PCNX4: variants seen among roughly 807,000 people sequenced by gnomAD.
The protein encoded by PCNX4 is pecanex 4.
In PCNX4, 103 loss-of-function variants were observed where a neutral mutation model predicts 107.2. The observed-to-expected ratio is 0.96, with a 90% CI of 0.82 to 1.13. The LOEUF (loss-of-function observed/expected upper bound fraction) is 1.13. Ranked by LOEUF, PCNX4 falls within the 50% of genes most tolerant of loss-of-function variation. The pLI, the probability that PCNX4 is intolerant of heterozygous loss-of-function variation, is 0.00. For synonymous variants in PCNX4, 541 were observed against 481.7 expected (o/e 1.12, Z -1.61); for missense variants, 1,528 against 1,379.4 (o/e 1.11, Z -1.71).
At chr14:60,106,273 G>A (rs943929046) in intron 1 of PCNX4, among the ~76,000 whole-genome samples, 13 of 152,108 alleles carry the variant, frequency 8.5e-5, no homozygotes, top group Admixed American at 6.5e-5. Context: ...TATCATATAT[G>A]CGTATAACCT....
intron 10 of PCNX4, among the ~76,000 whole-genome samples, chr14:60,128,329 C>G (rs1430203604): frequency 6.6e-6 from 1 of 152,052 alleles, no homozygotes; most frequent in African/African-American, 2.4e-5. Context: ...AGGAGAAAAC[C>G]TTGAAAGCAC....
intron 7 of PCNX4, among the ~76,000 whole-genome samples, chr14:60,120,035 C>A (rs1393236087): frequency 6.6e-6 from 1 of 152,092 alleles, no homozygotes. Context: ...TAGAGAAATT[C>A]TAGTACATGT....
At chr14:60,118,781 A>C in intron 7 of PCNX4, 89 bp downstream of exon 7, 1 of 1,370,360 alleles carries the variant, frequency 7.3e-7, no homozygotes, top group East Asian at 2.5e-5. Context: ...TTTTTATCCA[A>C]CCATAAGATA....
chr14:60,133,239 T>C (rs1896186225), intron 10 of PCNX4, among the ~76,000 whole-genome samples: 1 of 152,232 alleles, frequency 6.6e-6, no homozygotes, highest in South Asian at 2.1e-4. Flanking sequence ...ATCCATATGA[T>C]GGAATATTAT....
Position 60,114,696 on chromosome 14 carries a change from A to G in PCNX4, c.690-4A>G, listed in dbSNP as rs751619008. On this transcript the variant is annotated splice_polypyrimidine_tract_variant and splice_region_variant and intron_variant, in intron 2 of 10. Coordinates refer to ENST00000406854, the MANE Select transcript of PCNX4 (RefSeq NM_001330177.2). ...TGATTTAAATGTTCTTTTTTTTTAT[A>G]TAGGTTTGTGGTAAATATGCCAGCT... The G allele has an allele frequency of 3.8e-6, 6 of 1,595,338 alleles. No individual in the cohort carries two copies. In the South Asian group the frequency reaches 5.6e-5, roughly 15 times the overall value.
In PCNX4 at chr14:60,139,700, G is replaced by A. The variant is rs898366051; in HGVS notation, c.*5479G>A. The stretch of plus-strand genomic sequence containing the variant: ...TTTATCAAAACTGACCATATTCCAA[G>A]TCATAGGAATGGAATATATTCTTTG... On this transcript the variant is annotated 3_prime_UTR_variant, in exon 11 of 11. Transcript: ENST00000406854. 1.3e-5 allele frequency: 2 copies of A among 151,950 alleles called. No homozygotes were observed. The highest frequency in any genetic ancestry group is 2.9e-5 in the Non-Finnish European group (2 of 67,920). The allele number at this position is 151,950 out of a possible 1,614,324, so 9.4% of individuals were successfully genotyped here.
intron 1 of PCNX4, among the ~76,000 whole-genome samples, chr14:60,103,448 C>G (rs1023892147): frequency 1.6e-4 from 24 of 152,158 alleles, no homozygotes; most frequent in Non-Finnish European, 2.6e-4. Context: ...TTCAAACTGC[C>G]CTGACCACAG....
At chr14:60,115,649 G>T in intron 4 of PCNX4, 70 bp from the exon 5 acceptor site, 8 of 1,428,154 alleles carry the variant, frequency 5.6e-6, no homozygotes, top group Non-Finnish European at 6.7e-6. Context: ...ATGTGTATTT[G>T]CCAGAATAAA....
rs1896291433 is a variant in PCNX4, at chr14:60,140,255, G to A, written c.*6034G>A. ...CAATTAGTTGGAAATTTTAGATGAA[G>A]TGAATAAATTCTTTAAACTATGGAA... On this transcript the variant is annotated 3_prime_UTR_variant, in exon 11 of 11. Coordinates refer to ENST00000406854, the MANE Select transcript of PCNX4 (RefSeq NM_001330177.2). This position sits in a 1 kb window ranked among gnomAD's most constrained non-coding sequence, Gnocchi z 4.2. 6.6e-6 allele frequency: 1 copy of A among 152,136 alleles called. No homozygotes were observed. Among genetic ancestry groups the A allele is most frequent in the Non-Finnish European group, 1.5e-5 (1 of 68,014 alleles). 9.4% of individuals were successfully genotyped at this position (152,136 alleles called of 1,614,324 possible).
Position 60,107,815 on chromosome 14 carries a change from A to G in PCNX4, c.177A>G (p.Thr59=), listed in dbSNP as rs773528806. Residue 59 remains threonine (T), a synonymous_variant, in exon 2 of 11, where the codon ACA becomes ACG. Transcript: ENST00000406854. The stretch of plus-strand genomic sequence containing the variant: ...CATGGGTTTGGGGTGGAGTCGGAAC[A>G]CTTTTATACCAGTTAGGCATCCTGA... ...LMPWVWGGVG[T]LLYQLGILKD... 5.6e-6 allele frequency: 9 copies of G among 1,612,820 alleles called. No individual in the cohort carries two copies. Among genetic ancestry groups the G allele is most frequent in the Non-Finnish European group, 7.6e-6 (9 of 1,179,836 alleles).
At chr14:60,102,328 C>CG (rs1895548063) in intron 1 of PCNX4, among the ~76,000 whole-genome samples, 1 of 51,344 alleles carries the variant, frequency 1.9e-5, no homozygotes, top group Non-Finnish European at 7.3e-5. Flanking sequence ...TTTAAAAAAA[C>CG]TTCAATCACT....
chr14:60,098,659 C>T (rs1161560979), intron 1 of PCNX4, among the ~76,000 whole-genome samples: 1 of 152,108 alleles, frequency 6.6e-6, no homozygotes, highest in Non-Finnish European at 1.5e-5. Context: ...AAGTCTTTTG[C>T]TGGGCACGGT....
At chr14:60,098,956 A>AG (rs1238609941) in intron 1 of PCNX4, among the ~76,000 whole-genome samples, 1 of 150,490 alleles carries the variant, frequency 6.6e-6, no homozygotes, top group East Asian at 2.0e-4. Context: ...AAAAAAAAAA[A>AG]AGAAAGAAAA....
rs940195213 is a variant in PCNX4 at position 60,147,705 on chromosome 14, C to T, written c.*13484C>T. ...ACTGGGCACTATTATCATCATTAAT[C>T]TCCATCTTATATTAATAGATGGGGA... On this transcript the variant is annotated 3_prime_UTR_variant, in exon 11 of 11. Coordinates refer to ENST00000406854, the MANE Select transcript of PCNX4 (RefSeq NM_001330177.2). The T allele has an allele frequency of 1.3e-5, 2 of 152,200 alleles. No homozygotes were observed. Among genetic ancestry groups the T allele is most frequent in the African/African-American group, 4.8e-5 (2 of 41,448 alleles). 9.4% of individuals were successfully genotyped at this position (152,200 alleles called of 1,614,324 possible).
At chr14:60,114,051 T>C (rs1006521907) in intron 2 of PCNX4, among the ~76,000 whole-genome samples, 7 of 152,218 alleles carry the variant, frequency 4.6e-5, no homozygotes, top group African/African-American at 1.4e-4. Context: ...AATGGAAGTG[T>C]TGTAAATGCT....
At position 60,139,780 on chromosome 14, in the gene PCNX4, ATTAAG is replaced by A. The variant is rs759039666; in HGVS notation, c.*5562_*5566del. 1.3e-5 allele frequency: 2 copies of A among 152,152 alleles called. No individual in the cohort carries two copies. Among genetic ancestry groups the A allele is most frequent in the Non-Finnish European group, 2.9e-5 (2 of 67,960 alleles). 9.4% of individuals were successfully genotyped at this position (152,152 alleles called of 1,614,324 possible). A position where few individuals can be genotyped will look rare whatever the true frequency, so the allele number is the denominator to read the frequency against. ...ATAATTTCAAAAATAGAAAAATTCT[ATTAAG>A]TTCATAAATTAAGAAATACACTTTT... On this transcript the variant is annotated 3_prime_UTR_variant, in exon 11 of 11. Coordinates refer to ENST00000406854, the MANE Select transcript of PCNX4 (RefSeq NM_001330177.2).
chr14:60,107,913 T>G lies in PCNX4; in HGVS notation c.275T>G (p.Leu92Ter). 1 of 1,612,900 alleles carries G rather than the reference T, an allele frequency of 6.2e-7. No homozygotes were observed. The highest frequency in any genetic ancestry group is 8.5e-7 in the Non-Finnish European group (1 of 1,179,904). ...GCATTTGTCATCCAGTTCACAAGTT[T>G]ATACGCCAAAAACAAATCAACAACA... ...FTAFVIQFTS[L>*]YAKNKSTTVE... The change falls in exon 2 of 11, where the codon TTA (leucine) becomes TGA (stop). Residue 92 changes from leucine to a stop codon, truncating the protein, a stop_gained. Transcript: ENST00000406854. LOFTEE classifies it high-confidence loss of function.
In PCNX4 at chr14:60,105,455, T is replaced by C. The variant is rs77431243; in HGVS notation, c.-53-2131T>C. On this transcript the variant is annotated intron_variant, in intron 1 of 10. Coordinates refer to ENST00000406854, the MANE Select transcript of PCNX4 (RefSeq NM_001330177.2). ...TTAAATGTTACAGATAAAATACACA[T>C]AGCTTAGTTAATATTCCTTCTGAAA... 6.7e-3 allele frequency among the ~76,000 whole-genome samples: 1,014 copies of C among 152,310 alleles called. 17 individuals are homozygous for C. The highest frequency in any genetic ancestry group is 0.047 in the Admixed American group (713 of 15,298).
chr14:60,093,374 C>T (rs549412371), intron 1 of PCNX4, among the ~76,000 whole-genome samples: 1 of 152,302 alleles, frequency 6.6e-6, no homozygotes, highest in East Asian at 1.9e-4. Flanking sequence ...CCTTACCCCA[C>T]CAGCCATAAG....
Sources: allele counts gnomAD v4.1 joint callset (sites outside exome capture counted in the v4.1 genomes callset), GRCh38; gene constraint gnomAD v4.1.1; non-coding constraint Gnocchi (gnomAD v3.1); transcripts MANE v1.5; gene names NCBI Gene and HGNC (gene_info 2026-07-23, HGNC 2026-07-21).